GPRC5B: variants seen among roughly 807,000 people sequenced by gnomAD.
GPRC5B encodes the protein G protein-coupled receptor family C group 5 member B.
A neutral mutation model predicts 30.1 loss-of-function variants in GPRC5B; 16 were observed. The ratio of observed to expected loss-of-function variants is 0.53; its 90% CI spans 0.36 to 0.81. The LOEUF is 0.81. Ranked by LOEUF, GPRC5B falls within the 30% of genes least tolerant of loss-of-function variation. The pLI is 0.01. For synonymous variants in GPRC5B, 241 were observed against 239.5 expected (o/e 1.01, Z -0.06); for missense variants, 428 against 544.7 (o/e 0.79, Z 2.13).
At chr16:19,880,555 C>A (rs1309286501) in intron 1 of GPRC5B, among the ~76,000 whole-genome samples, 1 of 152,166 alleles carries the variant, frequency 6.6e-6, no homozygotes, top group Non-Finnish European at 1.5e-5. Flanking sequence ...CGAAAGAGGT[C>A]CCTGAGGTGG....
intron 2 of GPRC5B, among the ~76,000 whole-genome samples, chr16:19,864,725 C>G (rs974241627): frequency 6.6e-6 from 1 of 152,246 alleles, no homozygotes; most frequent in African/African-American, 2.4e-5. Flanking sequence ...AGGCCTCTGC[C>G]TCATGGGGCC....
At chr16:19,871,322 A>C (rs2056717491) in intron 2 of GPRC5B, among the ~76,000 whole-genome samples, 1 of 151,664 alleles carries the variant, frequency 6.6e-6, no homozygotes, top group Non-Finnish European at 1.5e-5. Context: ...AAAAACAAAA[A>C]ACAAAAAACC....
At chr16:19,864,310 C>G (rs1036191499) in intron 2 of GPRC5B, among the ~76,000 whole-genome samples, 1 of 152,242 alleles carries the variant, frequency 6.6e-6, no homozygotes, top group African/African-American at 2.4e-5. Flanking sequence ...CAGCCCAAAG[C>G]CCCTAATAGA....
chr16:19,867,087 C>G (rs1466031156), intron 2 of GPRC5B, among the ~76,000 whole-genome samples: 1 of 152,230 alleles, frequency 6.6e-6, no homozygotes, highest in East Asian at 1.9e-4. Context: ...AACAAGTTGC[C>G]TGACATCCCC....
chr16:19,877,667 T>C (rs2056768827), intron 1 of GPRC5B, among the ~76,000 whole-genome samples: 1 of 152,224 alleles, frequency 6.6e-6, no homozygotes, highest in Non-Finnish European at 1.5e-5. Context: ...CGTATATTAA[T>C]ACCTAATGAT....
intron 3 of GPRC5B, 81 bp from the exon 4 acceptor site, chr16:19,860,625 CG>C (rs771851958): frequency 1.1e-5 from 10 of 878,560 alleles, no homozygotes; most frequent in Non-Finnish European, 1.9e-5. Context: ...GTAAACAACG[CG>C]GCAAAAATAA....
At chr16:19,868,803 G>A (rs188776004) in intron 2 of GPRC5B, among the ~76,000 whole-genome samples, 1 of 152,172 alleles carries the variant, frequency 6.6e-6, no homozygotes, top group East Asian at 1.9e-4. Context: ...GCCCATCCAC[G>A]CGGGACAGAG....
In GPRC5B at chr16:19,872,581, TCTC is replaced by T. The variant is rs761710546; in HGVS notation, c.262_264del (p.Glu88del). Reference sequence around the variant, plus strand: ...AAGTGGAGGCCCACAGGGCTCTTCTTCTCCTTCTCCTTGATGAAGGGCAGCCGC... The same window carrying T: ...AAGTGGAGGCCCACAGGGCTCTTCTTCTTCTCCTTGATGAAGGGCAGCCGC... On this transcript the variant is annotated inframe_deletion, in exon 2 of 4. Coordinates refer to ENST00000300571, the MANE Select transcript of GPRC5B (RefSeq NM_016235.3). This position sits in a 1 kb window ranked among gnomAD's most constrained non-coding sequence, Gnocchi z 5.0. The T allele has an allele frequency of 2.9e-5, 46 of 1,613,866 alleles. No individual in the cohort carries two copies. The highest frequency in any genetic ancestry group is 2.3e-4 in the South Asian group (21 of 91,084).
chr16:19,870,274 A>G (rs1379640109), intron 2 of GPRC5B, among the ~76,000 whole-genome samples: 1 of 152,110 alleles, frequency 6.6e-6, no homozygotes, highest in Non-Finnish European at 1.5e-5. Flanking sequence ...CTGCCTTCTC[A>G]GTCTCATTCT....
intron 3 of GPRC5B, 71 bp downstream of exon 3, chr16:19,861,766 C>T: frequency 7.5e-7 from 1 of 1,329,240 alleles, no homozygotes; most frequent in East Asian, 2.3e-5. Flanking sequence ...GGAGTATGTC[C>T]CTGTTGAAGC....
upstream of GPRC5B, chr16:19,885,202 C>A (rs2056841278): frequency 1.6e-6 from 2 of 1,288,056 alleles, no homozygotes; most frequent in African/African-American, 1.5e-5. The surrounding 1 kb of genome is among the most constrained non-coding windows in gnomAD (Gnocchi z 5.3). Context: ...AATACACTTA[C>A]CGAGGGAGGT....
At position 19,856,706 on chromosome 16, in the gene GPRC5B, C is replaced by A; in HGVS notation, c.*3794G>T. 1 of 605,452 alleles carries A rather than the reference C, an allele frequency of 1.7e-6. No individual in the cohort carries two copies. Among genetic ancestry groups the A allele is most frequent in the Non-Finnish European group, 2.9e-6 (1 of 346,868 alleles). The allele number at this position is 605,452 out of a possible 1,614,324, so 37.5% of individuals were successfully genotyped here. A position where few individuals can be genotyped will look rare whatever the true frequency, so the allele number is the denominator to read the frequency against. ...CAAGATAGGATTCATTGCAAACAAG[C>A]TTTAATGCAAATAGTTTAGAAAAGA... is the stretch of plus-strand genomic sequence containing the variant. On this transcript the variant is annotated 3_prime_UTR_variant, in exon 4 of 4. Coordinates refer to ENST00000300571, the MANE Select transcript of GPRC5B (RefSeq NM_016235.3).
chr16:19,879,423 C>CACACACACCACACACACAG (rs2056785912), intron 1 of GPRC5B, among the ~76,000 whole-genome samples: 1 of 145,156 alleles, frequency 6.9e-6, no homozygotes, highest in Non-Finnish European at 1.5e-5. Context: ...CTCACACACA[C>CACACACACCACACACACAG]ACACACACCA....
At chr16:19,876,359 A>G (rs185715211) in intron 1 of GPRC5B, among the ~76,000 whole-genome samples, 121 of 152,384 alleles carry the variant, frequency 7.9e-4, no homozygotes, top group African/African-American at 2.8e-3. Flanking sequence ...AGAAAGGATT[A>G]TCCAGCCCTA....
At chr16:19,870,314 C>G (rs2056705447) in intron 2 of GPRC5B, among the ~76,000 whole-genome samples, 1 of 152,176 alleles carries the variant, frequency 6.6e-6, no homozygotes. Flanking sequence ...GGGACCACTT[C>G]CCCACGAAAC....
At chr16:19,861,359 T>C (rs1361940190) in intron 3 of GPRC5B, among the ~76,000 whole-genome samples, 1 of 152,176 alleles carries the variant, frequency 6.6e-6, no homozygotes, top group East Asian at 1.9e-4. Context: ...CCTGCTTCTG[T>C]GTTTGAGGGA....
At chr16:19,875,762 G>C (rs1266633020) in intron 1 of GPRC5B, among the ~76,000 whole-genome samples, 1 of 152,118 alleles carries the variant, frequency 6.6e-6, no homozygotes, top group Non-Finnish European at 1.5e-5. Flanking sequence ...CTGGGCAACA[G>C]AGCAAGACTC....
At chr16:19,869,113 G>A (rs2056690740) in intron 2 of GPRC5B, among the ~76,000 whole-genome samples, 1 of 152,080 alleles carries the variant, frequency 6.6e-6, no homozygotes, top group South Asian at 2.1e-4. Flanking sequence ...CGGATCACAT[G>A]AGGTCAGGAG....
chr16:19,882,471 T>C (rs1225943690), intron 1 of GPRC5B: 1 of 152,126 alleles, frequency 6.6e-6, no homozygotes, highest in African/African-American at 2.4e-5. Flanking sequence ...GGGGCTCCGT[T>C]AGAGTGGATA....
Sources: allele counts gnomAD v4.1 joint callset (sites outside exome capture counted in the v4.1 genomes callset), GRCh38; gene constraint gnomAD v4.1.1; non-coding constraint Gnocchi (gnomAD v3.1); transcripts MANE v1.5; gene names NCBI Gene and HGNC (gene_info 2026-07-23, HGNC 2026-07-21).